The following CLMN variants were observed in gnomAD, a reference collection of about 807,000 sequenced individuals.
CLMN encodes the protein calmin, also known as calmin (calponin-like, transmembrane).
Under a neutral mutation model 92.7 loss-of-function variants are expected in CLMN, and 57 were observed. The ratio of observed to expected loss-of-function variants is 0.61; its 90% CI spans 0.50 to 0.77. The LOEUF is 0.77. Among genes scored for constraint, CLMN ranks in the 30% least tolerant of loss-of-function variants. The pLI, the probability that CLMN is intolerant of heterozygous loss-of-function variation, is 0.00. For synonymous variants in CLMN, 466 were observed against 470.6 expected (o/e 0.99, Z 0.13); for missense variants, 1,158 against 1,237.5 (o/e 0.94, Z 0.96).
In CLMN at chr14:95,203,898, G is replaced by T; in HGVS notation, c.1451C>A (p.Ser484Tyr). 6.2e-7 allele frequency: 1 copy of T among 1,613,170 alleles called. No homozygotes were observed. ...QKQESSKIPE[S>Y]SSDKVAGDIF... is the part of the protein sequence containing the mutation. ...GTCACCAGCGACCTTGTCAGAGGAG[G>T]ATTCTGGAATCTTCGAGGATTCCTG... The change falls in exon 9 of 13, where the codon TCC (serine) becomes TAC (tyrosine). Residue 484 changes from serine to tyrosine, a missense_variant. Ser to Tyr is a moderately radical substitution (Grantham distance 144). Coordinates refer to ENST00000298912, the MANE Select transcript of CLMN (RefSeq NM_024734.4).
At chr14:95,269,890 C>T (rs1277060998) in intron 1 of CLMN, among the ~76,000 whole-genome samples, 1 of 152,102 alleles carries the variant, frequency 6.6e-6, no homozygotes. Context: ...CCCCAATCCA[C>T]AGGCTGGAGG....
intron 1 of CLMN, among the ~76,000 whole-genome samples, chr14:95,284,298 G>A (rs1900255435): frequency 6.6e-6 from 1 of 152,250 alleles, no homozygotes; most frequent in African/African-American, 2.4e-5. Context: ...GTTTGCTGCA[G>A]GGGCAGGGCC....
At chr14:95,312,228 C>T (rs1048586782) in intron 1 of CLMN, among the ~76,000 whole-genome samples, 4 of 152,200 alleles carry the variant, frequency 2.6e-5, no homozygotes, top group African/African-American at 9.7e-5. Context: ...CCTATCCTCT[C>T]TGTACTGAGA....
chr14:95,319,848 C>A lies in CLMN; in HGVS notation c.-56G>T. 9.3e-7 allele frequency: 1 copy of A among 1,070,520 alleles called. No homozygotes were observed. The highest frequency in any genetic ancestry group is 4.1e-5 in the South Asian group (1 of 24,116). 66.3% of individuals were successfully genotyped at this position (1,070,520 alleles called of 1,614,324 possible). A position where few individuals can be genotyped will look rare whatever the true frequency, so the allele number is the denominator to read the frequency against. On this transcript the variant is annotated 5_prime_UTR_variant, in exon 1 of 13. Transcript: ENST00000298912. The stretch of plus-strand genomic sequence containing the variant: ...CGGCGCGGGCGGCGGGCGCGGAGAG[C>A]CTGGCTGGCGGGCGCGCGAGCGGCA...
chr14:95,236,504 G>A (rs905969504), intron 1 of CLMN, among the ~76,000 whole-genome samples: 1 of 152,266 alleles, frequency 6.6e-6, no homozygotes, highest in African/African-American at 2.4e-5. Context: ...CACGACTGAG[G>A]GGGAGGGGCT....
At chr14:95,265,110 T>C (rs1595074977) in intron 1 of CLMN, among the ~76,000 whole-genome samples, 1 of 151,764 alleles carries the variant, frequency 6.6e-6, no homozygotes, top group East Asian at 1.9e-4. Context: ...GGCATGGTGG[T>C]GCATGCCTGT....
At chr14:95,292,275 A>G (rs554053962) in intron 1 of CLMN, among the ~76,000 whole-genome samples, 4 of 152,314 alleles carry the variant, frequency 2.6e-5, no homozygotes, top group South Asian at 2.1e-4. Flanking sequence ...AACATTTTGT[A>G]TTTTTCCATA....
chr14:95,194,440 C>T lies in CLMN; in HGVS notation c.2769+96G>A, dbSNP rs2140558765. The T allele has an allele frequency of 6.3e-7, 1 of 1,597,034 alleles. No homozygotes were observed. The highest frequency in any genetic ancestry group is 1.1e-5 in the South Asian group (1 of 89,068). ...TATCCAAAAGTATAGCTGTTGCATG[C>T]CAGTAATTTCAAAGCTCTGGGCTGG... On this transcript the variant is annotated intron_variant, in intron 11 of 12. Transcript: ENST00000298912. The surrounding 1 kb of genome is among the most constrained non-coding windows in gnomAD (Gnocchi z 4.0).
At chr14:95,241,263 G>A (rs1187680168) in intron 1 of CLMN, among the ~76,000 whole-genome samples, 2 of 151,918 alleles carry the variant, frequency 1.3e-5, no homozygotes, top group Non-Finnish European at 2.9e-5. Flanking sequence ...GATTTGCCTG[G>A]GACTGAAGGG....
intron 10 of CLMN, 131 bp downstream of exon 10, chr14:95,196,367 G>A (rs1019129900): frequency 1.1e-6 from 1 of 883,552 alleles, no homozygotes; most frequent in Non-Finnish European, 1.7e-6. Context: ...AATGAGGATT[G>A]TGTATGAAGC....
chr14:95,204,778 C>T (rs566096010), intron 8 of CLMN, among the ~76,000 whole-genome samples: 63 of 152,184 alleles, frequency 4.1e-4, no homozygotes, highest in Non-Finnish European at 7.2e-4. Context: ...AAGGACAATC[C>T]CTTCTAAAGT....
At chr14:95,302,117 G>A (rs1901083274) in intron 1 of CLMN, among the ~76,000 whole-genome samples, 1 of 152,162 alleles carries the variant, frequency 6.6e-6, no homozygotes, top group African/African-American at 2.4e-5. Context: ...GGCCAACACA[G>A]TGAAACCCCA....
chr14:95,261,591 A>C (rs1170222022), intron 1 of CLMN, among the ~76,000 whole-genome samples: 2 of 152,248 alleles, frequency 1.3e-5, no homozygotes, highest in Non-Finnish European at 2.9e-5. Flanking sequence ...GAGAAAATAC[A>C]CTTATCAGGG....
At chr14:95,210,976 G>T in intron 6 of CLMN, 97 bp from the exon 7 acceptor site, 1 of 1,316,008 alleles carries the variant, frequency 7.6e-7, no homozygotes, top group South Asian at 1.6e-5. Flanking sequence ...TTTTTGAGTG[G>T]GGCAGAGCTG....
intron 1 of CLMN, among the ~76,000 whole-genome samples, chr14:95,315,962 A>G (rs957073885): frequency 7.9e-5 from 12 of 152,208 alleles, no homozygotes; most frequent in Non-Finnish European, 2.9e-5. Context: ...GGCTTCCCAC[A>G]TGAATGGAGC....
intron 1 of CLMN, among the ~76,000 whole-genome samples, chr14:95,242,346 C>T (rs2140657102): frequency 6.7e-6 from 1 of 148,514 alleles, no homozygotes; most frequent in Non-Finnish European, 1.5e-5. Context: ...GCAACCTCCA[C>T]CTTCCAGGTT....
chr14:95,315,372 T>C (rs1254218257), intron 1 of CLMN, among the ~76,000 whole-genome samples: 1 of 152,164 alleles, frequency 6.6e-6, no homozygotes, highest in Non-Finnish European at 1.5e-5. Flanking sequence ...CCTTAGCTCA[T>C]GGGTTGGGAA....
At chr14:95,312,839 C>T (rs889360321) in intron 1 of CLMN, among the ~76,000 whole-genome samples, 5 of 152,108 alleles carry the variant, frequency 3.3e-5, no homozygotes, top group East Asian at 1.9e-4. Context: ...GGCTGCTGTT[C>T]CAAGGCAGAG....
chr14:95,243,590 G>A (rs1898341562), intron 1 of CLMN, among the ~76,000 whole-genome samples: 1 of 151,376 alleles, frequency 6.6e-6, no homozygotes, highest in Non-Finnish European at 1.5e-5. Flanking sequence ...AGAATCCAGG[G>A]GAGCATGGAG....
Sources: allele counts gnomAD v4.1 joint callset (sites outside exome capture counted in the v4.1 genomes callset), GRCh38; gene constraint gnomAD v4.1.1; non-coding constraint Gnocchi (gnomAD v3.1); transcripts MANE v1.5; gene names NCBI Gene and HGNC (gene_info 2026-07-23, HGNC 2026-07-21).